The following ADGB variants were observed in gnomAD, a reference collection of about 807,000 sequenced individuals.
ADGB encodes androglobin, also known as calpain-7-like protein.
A neutral mutation model predicts 210.5 loss-of-function variants in ADGB; 172 were observed. The ratio of observed to expected loss-of-function variants is 0.82; its 90% CI spans 0.72 to 0.93. ADGB has a LOEUF of 0.93. ADGB is among the 40% of genes least tolerant of loss of function. ADGB has a pLI of 0.00. For missense variants in ADGB, 2,025 were observed against 1,964.8 expected, an observed-to-expected ratio of 1.03 and a Z score of -0.58; for synonymous variants, 658 against 662.7, an observed-to-expected ratio of 0.99 and a Z score of 0.11.
At chr6:146,770,574 A>G (rs1583631098) in intron 29 of ADGB, 2 of 470,162 alleles carry the variant, frequency 4.3e-6, no homozygotes, top group Non-Finnish European at 8.8e-6. Context: ...GTGTTTAATG[A>G]ATGAATGCAT....
intron 27 of ADGB, among the ~76,000 whole-genome samples, chr6:146,760,657 G>T (rs935258126): frequency 6.6e-6 from 1 of 151,808 alleles, no homozygotes; most frequent in Non-Finnish European, 1.5e-5. Context: ...TTTGACATAT[G>T]TATACATTTA....
chr6:146,753,965 A>G (rs1035857622), intron 27 of ADGB, among the ~76,000 whole-genome samples: 1 of 151,440 alleles, frequency 6.6e-6, no homozygotes, highest in Non-Finnish European at 1.5e-5. Flanking sequence ...GAGACTTTTA[A>G]ATTCTCCAGG....
intron 3 of ADGB, among the ~76,000 whole-genome samples, chr6:146,649,827 AC>A (rs1378052809): frequency 6.6e-6 from 1 of 152,140 alleles, no homozygotes; most frequent in Admixed American, 6.6e-5. Context: ...AGTTTTATTT[AC>A]CAAAGATTTA....
intron 1 of ADGB, among the ~76,000 whole-genome samples, chr6:146,634,079 T>C (rs563311483): frequency 1.3e-5 from 2 of 152,244 alleles, no homozygotes; most frequent in African/African-American, 2.4e-5. Context: ...GTTTTTACTG[T>C]ATTTTTCTAT....
chr6:146,653,331 A>G (rs1038051398), intron 3 of ADGB, among the ~76,000 whole-genome samples: 5 of 152,134 alleles, frequency 3.3e-5, no homozygotes, highest in African/African-American at 7.2e-5. Flanking sequence ...ATGTGCTTGA[A>G]TCATCCCCAA....
chr6:146,802,806 G>GTAA lies in ADGB; in HGVS notation c.4818+799_4818+801dup. On this transcript the variant is annotated intron_variant, in intron 35 of 35. Transcript: ENST00000397944. ...GTAGATGAAATCTCTCAATGTAACTGTAATAAATAAGCATCTACATCCTTA... is the reference window on the plus strand; with the variant it reads ...GTAGATGAAATCTCTCAATGTAACTGTAATAATAAATAAGCATCTACATCCTTA... 5.0e-6 allele frequency: 8 copies of GTAA among 1,607,732 alleles called. No homozygotes were observed. In the South Asian group the frequency reaches 8.8e-5, roughly 18 times the overall value.
rs78222325 is a variant in ADGB at position 146,710,994 on chromosome 6, A to G, written c.1708-4388A>G. Among the ~76,000 whole-genome samples, 529 of 152,246 alleles carry G rather than the reference A, an allele frequency of 3.5e-3. 13 individuals carry two copies. The East Asian group carries it at 0.068, about 19-fold the overall frequency. On this transcript the variant is annotated intron_variant, in intron 13 of 35. Transcript: ENST00000397944. ...CATATTTGTTGAATGACTACATGCT[A>G]TTTTATCTTGATCTGTTAATTTAGA...
rs1413012423 is a variant in ADGB, at chr6:146,700,965, G to T, written c.1602G>T (p.Lys534Asn). 3 of 1,550,872 alleles carry T rather than the reference G, an allele frequency of 1.9e-6. No individual in the cohort carries two copies. The Admixed American group carries it at 5.9e-5, about 30-fold the overall frequency. ...TEMHFVRSLI[K>N]KGIPPGSDLP... is the part of the protein sequence containing the mutation. ...GGCATTTTGTGCGCTCCTTAATTAA[G>T]AAAGGAATACCTCCAGGATCTGATT... The change falls in exon 13 of 36, where the codon AAG (lysine) becomes AAT (asparagine). Residue 534 changes from lysine to asparagine, a missense_variant. Coordinates refer to ENST00000397944, the MANE Select transcript of ADGB (RefSeq NM_024694.4).
intron 5 of ADGB, among the ~76,000 whole-genome samples, chr6:146,659,934 C>T (rs1168977033): frequency 6.6e-6 from 1 of 152,170 alleles, no homozygotes; most frequent in East Asian, 1.9e-4. Context: ...AAAACACACA[C>T]ATTAGGACCA....
At chr6:146,711,884 A>G (rs1258691605) in intron 13 of ADGB, among the ~76,000 whole-genome samples, 2 of 151,806 alleles carry the variant, frequency 1.3e-5, no homozygotes. Flanking sequence ...ACAAAAAAAA[A>G]CAACAACAAA....
At chr6:146,736,623 T>C in intron 23 of ADGB, 32 bp downstream of exon 23, 1 of 1,434,750 alleles carries the variant, frequency 7.0e-7, no homozygotes, top group South Asian at 1.3e-5. Flanking sequence ...TTTATTGCAG[T>C]ATATTGTCCT....
Position 146,781,519 on chromosome 6 carries a change from T to C in ADGB, c.3863-501T>C, listed in dbSNP as rs1324666978. On this transcript the variant is annotated intron_variant, in intron 29 of 35. Coordinates refer to ENST00000397944, the MANE Select transcript of ADGB (RefSeq NM_024694.4). ...AGTAAAAGTAGTGTTGAGAGAAATA[T>C]ATAGCTACAAATGCTTGTATTACAA... Among the ~76,000 whole-genome samples, 8 of 150,098 alleles carry C rather than the reference T, an allele frequency of 5.3e-5. No individual in the cohort carries two copies. The East Asian group carries it at 1.4e-3, about 26-fold the overall frequency.
In ADGB at chr6:146,815,392, T is replaced by A. The variant is rs1052451; in HGVS notation, c.*175T>A. ...CAGAAAGCTAGTATTTGAAGCCATT[T>A]GAGTTTAAGATGCTCTAATTTCAAT... On this transcript the variant is annotated 3_prime_UTR_variant, in exon 36 of 36. Transcript: ENST00000397944. 2 of 437,402 alleles carry A rather than the reference T, an allele frequency of 4.6e-6. No individual in the cohort carries two copies. The highest frequency in any genetic ancestry group is 7.7e-6 in the Non-Finnish European group (2 of 260,622). The allele number at this position is 437,402 out of a possible 1,614,324, so 27.1% of individuals were successfully genotyped here. A position where few individuals can be genotyped will look rare whatever the true frequency, so the allele number is the denominator to read the frequency against.
At chr6:146,796,203 A>G (rs1854195) in intron 33 of ADGB, among the ~76,000 whole-genome samples, 39,103 of 152,078 alleles carry the variant, frequency 0.26, 5,541 homozygotes, top group South Asian at 0.37. Flanking sequence ...AGATGACACA[A>G]ACAAATGAAA....
chr6:146,623,714 GT>G (rs562402616), intron 1 of ADGB, among the ~76,000 whole-genome samples: 18 of 152,064 alleles, frequency 1.2e-4, no homozygotes, highest in Admixed American at 4.6e-4. Flanking sequence ...TATGATGTCA[GT>G]TCCAGGTTTC....
At chr6:146,623,922 A>G (rs1434621370) in intron 1 of ADGB, among the ~76,000 whole-genome samples, 1 of 151,942 alleles carries the variant, frequency 6.6e-6, no homozygotes, top group African/African-American at 2.4e-5. Context: ...GATAAACTCT[A>G]ATTGATCATG....
intron 35 of ADGB, among the ~76,000 whole-genome samples, chr6:146,808,726 TC>T (rs1778251456): frequency 6.6e-6 from 1 of 152,170 alleles, no homozygotes; most frequent in African/African-American, 2.4e-5. Flanking sequence ...ATGGTCTGGC[TC>T]TCCTGTCCAG....
rs1343813058 is a variant in ADGB at position 146,801,963 on chromosome 6, G to A, written c.4770G>A (p.Glu1590=). The change falls in exon 35 of 36, where the codon GAG becomes GAA. Residue 1590 remains glutamate, a synonymous_variant. Transcript: ENST00000397944. ...VLSIRNIDQE[E]RLKLKDEVLD... ...GCATTCGAAACATTGACCAAGAAGA[G>A]CGGTTGAAGTTAAAGGATGAAGTCC... is the stretch of plus-strand genomic sequence containing the variant. 6.5e-7 allele frequency: 1 copy of A among 1,550,146 alleles called. No homozygotes were observed. Among genetic ancestry groups the A allele is most frequent in the Non-Finnish European group, 8.7e-7 (1 of 1,146,446 alleles).
intron 1 of ADGB, 121 bp downstream of exon 1, chr6:146,599,235 G>T (rs1308187370): frequency 7.0e-6 from 6 of 863,072 alleles, no homozygotes; most frequent in Non-Finnish European, 1.1e-5. Context: ...CCTCCTCGCA[G>T]CTTGTCTTCT....
Sources: allele counts gnomAD v4.1 joint callset (sites outside exome capture counted in the v4.1 genomes callset), GRCh38; gene constraint gnomAD v4.1.1; transcripts MANE v1.5; gene names NCBI Gene and HGNC (gene_info 2026-07-23, HGNC 2026-07-21).